Variants in SORCS3 observed in about 807,000 individuals in gnomAD.
The protein encoded by SORCS3 is VPS10 domain-containing receptor SorCS3.
Under a neutral mutation model 146.3 loss-of-function variants are expected in SORCS3, and 57 were observed. That is an observed-to-expected ratio of 0.39 (90% CI 0.31 to 0.49). The LOEUF (loss-of-function observed/expected upper bound fraction) is 0.49, where lower values mean the gene tolerates loss of function less well. Among genes scored for constraint, SORCS3 ranks in the 20% least tolerant of loss-of-function variants. The probability of loss-of-function intolerance (pLI) is 0.92; values close to 1 mark genes in which losing one functional copy is unlikely to be tolerated. For synonymous variants in SORCS3, 653 were observed against 618.5 expected, an observed-to-expected ratio of 1.06 and a Z score of -0.83; for missense variants, 1,341 against 1,575.5, an observed-to-expected ratio of 0.85 and a Z score of 2.52.
rs2119612955 is a variant in SORCS3 at position 105,199,904 on chromosome 10, AGT to A, written c.2010-93_2010-92del. The A allele has an allele frequency of 4.7e-6, 4 of 856,534 alleles. No individual in the cohort carries two copies. The South Asian group carries it at 6.1e-5, about 13-fold the overall frequency. 53.1% of individuals were successfully genotyped at this position (856,534 alleles called of 1,614,324 possible). On this transcript the variant is annotated intron_variant, in intron 14 of 26. Transcript: ENST00000369701. ...GAAGAATAACTAAAGTCCAGGCTGC[AGT>A]GAATCTCTATCTCCTTCCTAGTTTC... is the stretch of plus-strand genomic sequence containing the variant.
At chr10:104,852,779 G>T (rs2018287333) in intron 2 of SORCS3, among the ~76,000 whole-genome samples, 1 of 152,114 alleles carries the variant, frequency 6.6e-6, no homozygotes, top group South Asian at 2.1e-4. Context: ...TTATAATGAC[G>T]ACCATAAAGG....
At chr10:104,651,618 A>G (rs1417951257) in intron 1 of SORCS3, among the ~76,000 whole-genome samples, 1 of 151,668 alleles carries the variant, frequency 6.6e-6, no homozygotes, top group East Asian at 1.9e-4. Flanking sequence ...AGGCTGGAGA[A>G]TCTCTTGAAC....
chr10:105,206,975 T>C (rs1276284979), intron 16 of SORCS3, among the ~76,000 whole-genome samples: 1 of 152,016 alleles, frequency 6.6e-6, no homozygotes, highest in East Asian at 1.9e-4. Context: ...CTATGAGTGG[T>C]CTGAGAGCCC....
At chr10:104,731,972 T>C (rs949661041) in intron 1 of SORCS3, among the ~76,000 whole-genome samples, 5 of 152,202 alleles carry the variant, frequency 3.3e-5, no homozygotes, top group African/African-American at 9.7e-5. Context: ...GAACATTTGG[T>C]AAATTCTCTA....
Position 104,654,740 on chromosome 10 carries a change from C to T in SORCS3, c.627+12786C>T, listed in dbSNP as rs184202767. Among the ~76,000 whole-genome samples, 47 of 152,260 alleles carry T rather than the reference C, an allele frequency of 3.1e-4. No individual in the cohort carries two copies. In the East Asian group the frequency reaches 8.5e-3, roughly 28 times the overall value. ...TTTGGCATTATATGTGTCTCCCCTT[C>T]TACTCATGGACTGATGAAGGTGGGA... On this transcript the variant is annotated intron_variant, in intron 1 of 26. Transcript: ENST00000369701.
chr10:105,146,473 A>T (rs2056132024), intron 8 of SORCS3, among the ~76,000 whole-genome samples: 1 of 152,082 alleles, frequency 6.6e-6, no homozygotes. Context: ...CCGTAAGAAC[A>T]TATGGATATA....
At chr10:104,980,120 T>C (rs1357914115) in intron 4 of SORCS3, among the ~76,000 whole-genome samples, 3 of 152,226 alleles carry the variant, frequency 2.0e-5, no homozygotes, top group African/African-American at 7.2e-5. Context: ...CTTTCAGACT[T>C]GGTGGCTGCT....
At chr10:104,964,386 C>T (rs2054814923) in intron 3 of SORCS3, among the ~76,000 whole-genome samples, 1 of 152,190 alleles carries the variant, frequency 6.6e-6, no homozygotes, top group Admixed American at 6.5e-5. Flanking sequence ...GCTTCTCTTT[C>T]AGCACCTCCC....
intron 1 of SORCS3, chr10:104,665,302 T>C (rs2015759509): frequency 6.6e-6 from 1 of 152,256 alleles, no homozygotes; most frequent in Non-Finnish European, 1.5e-5. Flanking sequence ...CTGTGGACTG[T>C]GCTTGCTGGG....
At position 104,693,761 on chromosome 10, in the gene SORCS3, G is replaced by A. The variant is rs1019627074; in HGVS notation, c.627+51807G>A. Among the ~76,000 whole-genome samples, 6 of 152,094 alleles carry A rather than the reference G, an allele frequency of 3.9e-5. No homozygotes were observed. The South Asian group carries it at 8.3e-4, about 21-fold the overall frequency. The stretch of plus-strand genomic sequence containing the variant: ...GTAATTGATGGATCCAAGATTTGCT[G>A]TCAGTCCCTAGGTTGGAAACATTAT... On this transcript the variant is annotated intron_variant, in intron 1 of 26. Transcript: ENST00000369701.
chr10:105,160,731 T>C (rs1312283465), intron 11 of SORCS3, among the ~76,000 whole-genome samples: 1 of 152,240 alleles, frequency 6.6e-6, no homozygotes, highest in Non-Finnish European at 1.5e-5. Flanking sequence ...AAGTTAAAAC[T>C]CTTCTTACAT....
chr10:105,247,807 G>A (rs911968474), intron 22 of SORCS3, among the ~76,000 whole-genome samples: 2 of 152,172 alleles, frequency 1.3e-5, no homozygotes, highest in Non-Finnish European at 2.9e-5. Flanking sequence ...AGGAAGAAGA[G>A]AAGTATAAAA....
At chr10:104,773,576 G>A (rs1032829603) in intron 1 of SORCS3, among the ~76,000 whole-genome samples, 1 of 152,214 alleles carries the variant, frequency 6.6e-6, no homozygotes, top group Non-Finnish European at 1.5e-5. Flanking sequence ...GCAGGGCTAA[G>A]CATACAGAGC....
At chr10:105,233,931 G>A (rs975315120) in intron 20 of SORCS3, among the ~76,000 whole-genome samples, 2 of 152,112 alleles carry the variant, frequency 1.3e-5, no homozygotes, top group African/African-American at 4.8e-5. Context: ...ACCCAGTAAT[G>A]GGATTGCTGG....
chr10:105,057,503 C>T (rs1444891903), intron 5 of SORCS3, among the ~76,000 whole-genome samples: 2 of 152,060 alleles, frequency 1.3e-5, no homozygotes, highest in East Asian at 3.9e-4. Flanking sequence ...CTACCCAAAC[C>T]ATTGTTTTAG....
At chr10:104,970,938 T>C (rs1227807190) in intron 3 of SORCS3, among the ~76,000 whole-genome samples, 6 of 152,224 alleles carry the variant, frequency 3.9e-5, no homozygotes, top group Non-Finnish European at 7.3e-5. Context: ...CTGGGCCTTA[T>C]GGTTTAGACT....
chr10:104,897,282 T>C (rs1488349734), intron 2 of SORCS3, among the ~76,000 whole-genome samples: 2 of 152,222 alleles, frequency 1.3e-5, no homozygotes, highest in Non-Finnish European at 2.9e-5. Flanking sequence ...ATAATATAAT[T>C]CACACGAAGT....
intron 2 of SORCS3, among the ~76,000 whole-genome samples, chr10:104,848,727 G>T (rs1167696438): frequency 6.6e-6 from 1 of 152,130 alleles, no homozygotes; most frequent in Non-Finnish European, 1.5e-5. Context: ...ACTCCTGAAT[G>T]GGTCACAGAA....
At chr10:105,167,108 T>C (rs986979881) in intron 12 of SORCS3, 150 bp from the exon 13 acceptor site, 2 of 592,464 alleles carry the variant, frequency 3.4e-6, no homozygotes, top group Admixed American at 3.3e-5. Flanking sequence ...ATCAATCAAA[T>C]GGAGATAATA....
Sources: allele counts gnomAD v4.1 joint callset (sites outside exome capture counted in the v4.1 genomes callset), GRCh38; gene constraint gnomAD v4.1.1; transcripts MANE v1.5; gene names NCBI Gene and HGNC (gene_info 2026-07-23, HGNC 2026-07-21).